CAPN9: variants seen among roughly 807,000 people sequenced by gnomAD.
The protein encoded by CAPN9 is calpain-9.
In CAPN9, 81 loss-of-function variants were observed where a neutral mutation model predicts 92.8. The observed-to-expected ratio is 0.87, with a 90% confidence interval of 0.73 to 1.05. The LOEUF (loss-of-function observed/expected upper bound fraction) is 1.05. Among genes scored for constraint, CAPN9 ranks in the 50% least tolerant of loss-of-function variants. The pLI, the probability that CAPN9 is intolerant of heterozygous loss-of-function variation, is 0.00. For missense variants in CAPN9, 848 were observed against 866.2 expected, an observed-to-expected ratio of 0.98 and a Z score of 0.26; for synonymous variants, 304 against 328.0, an observed-to-expected ratio of 0.93 and a Z score of 0.79.
chr1:230,787,363 G>A (rs1347973762), intron 12 of CAPN9, among the ~76,000 whole-genome samples, 159 bp from the exon 13 acceptor site: 3 of 152,130 alleles, frequency 2.0e-5, no homozygotes, highest in Non-Finnish European at 4.4e-5. Context: ...GAGCCTTCAT[G>A]AGAAAATGTT....
At chr1:230,753,323 A>T (rs192465215) in intron 1 of CAPN9, among the ~76,000 whole-genome samples, 2 of 152,226 alleles carry the variant, frequency 1.3e-5, no homozygotes, top group East Asian at 3.9e-4. Context: ...GTTCTTCAGA[A>T]ATTCTCCTGG....
Position 230,774,539 on chromosome 1 carries a change from T to C in CAPN9, c.876-15T>C. The C allele has an allele frequency of 6.3e-7, 1 of 1,598,220 alleles. No individual in the cohort carries two copies. Among genetic ancestry groups the C allele is most frequent in the African/African-American group, 1.3e-5 (1 of 74,630 alleles). Reference sequence around the variant, plus strand: ...TCATGACCTCTGCCTGAACACCAATTTTGTTTACTCCTAGTTCTCCGGAGT... The same window carrying C: ...TCATGACCTCTGCCTGAACACCAATCTTGTTTACTCCTAGTTCTCCGGAGT... On this transcript the variant is annotated splice_polypyrimidine_tract_variant and intron_variant, in intron 7 of 19. Transcript: ENST00000271971.
At chr1:230,753,020 T>A (rs144792927) in intron 1 of CAPN9, among the ~76,000 whole-genome samples, 2 of 152,134 alleles carry the variant, frequency 1.3e-5, no homozygotes, top group East Asian at 3.9e-4. Flanking sequence ...ACCTGCAAAC[T>A]CCTGCGCTAG....
chr1:230,798,489 A>G (rs890054903), intron 19 of CAPN9, among the ~76,000 whole-genome samples: 2 of 152,206 alleles, frequency 1.3e-5, no homozygotes, highest in Non-Finnish European at 2.9e-5. Context: ...CCTTGACTTG[A>G]GTGAGTGAGC....
rs994086135 is a variant in CAPN9 at position 230,751,211 on chromosome 1, C to T, written c.213+3502C>T. On this transcript the variant is annotated intron_variant, in intron 1 of 19. Coordinates refer to ENST00000271971, the MANE Select transcript of CAPN9 (RefSeq NM_006615.3). Reference sequence around the variant, plus strand: ...TCTCCTGCACGGTGAGCTTGCCGTTCCCTGTGCTGCTCCCCTGACCCCCAG... The same window carrying T: ...TCTCCTGCACGGTGAGCTTGCCGTTTCCTGTGCTGCTCCCCTGACCCCCAG... Among the ~76,000 whole-genome samples, 10 of 152,316 alleles carry T rather than the reference C, an allele frequency of 6.6e-5. No individual in the cohort carries two copies. The South Asian group carries it at 2.1e-3, about 32-fold the overall frequency.
chr1:230,769,125 G>T, intron 5 of CAPN9, 55 bp from the exon 6 acceptor site: 1 of 1,415,932 alleles, frequency 7.1e-7, no homozygotes, highest in South Asian at 1.2e-5. Flanking sequence ...GTCTGATCCA[G>T]CAGGGGAGGC....
intron 8 of CAPN9, among the ~76,000 whole-genome samples, chr1:230,777,293 G>A (rs1318913259): frequency 6.6e-6 from 1 of 151,864 alleles, no homozygotes; most frequent in Non-Finnish European, 1.5e-5. Context: ...CCATTGCCCT[G>A]CCCCTCTTGA....
chr1:230,775,065 A>G (rs1004402186), intron 8 of CAPN9, among the ~76,000 whole-genome samples: 1 of 151,796 alleles, frequency 6.6e-6, no homozygotes, highest in African/African-American at 2.4e-5. Context: ...TTGGCAAATC[A>G]AATTCATCTG....
chr1:230,763,102 A>T (rs1665749197), intron 4 of CAPN9, among the ~76,000 whole-genome samples: 1 of 152,158 alleles, frequency 6.6e-6, no homozygotes, highest in African/African-American at 2.4e-5. Context: ...AGTGCTTCAC[A>T]CTTCCCTCGG....
Position 230,800,294 on chromosome 1 carries a change from G to GAA in CAPN9, c.2047-1274_2047-1273dup, listed in dbSNP as rs765119183. On this transcript the variant is annotated intron_variant, in intron 19 of 19. Coordinates refer to ENST00000271971, the MANE Select transcript of CAPN9 (RefSeq NM_006615.3). Reference sequence around the variant, plus strand: ...AGAAAGAAAGAAAGAAAGAAAGAAAGAAAGAAAGAAAGGAAAAACAAGAGA... The same window carrying GAA: ...AGAAAGAAAGAAAGAAAGAAAGAAAGAAAAAGAAAGAAAGGAAAAACAAGAGA... Among the ~76,000 whole-genome samples, 8 of 109,844 alleles carry GAA rather than the reference G, an allele frequency of 7.3e-5. 1 individual carries two copies. Among genetic ancestry groups the GAA allele is most frequent in the African/African-American group, 2.4e-4 (7 of 29,576 alleles). The allele number at this position is 109,844 out of a possible 152,430, so 72.1% of individuals were successfully genotyped here.
At chr1:230,764,697 A>G (rs76052888) in intron 4 of CAPN9, among the ~76,000 whole-genome samples, 2,245 of 152,338 alleles carry the variant, frequency 0.015, 56 homozygotes, top group East Asian at 0.083. Flanking sequence ...TGAAAAATTG[A>G]TCTAATTATA....
At chr1:230,768,540 A>G in intron 5 of CAPN9, among the ~76,000 whole-genome samples, 1 of 109,738 alleles carries the variant, frequency 9.1e-6, no homozygotes, top group Non-Finnish European at 1.8e-5. Context: ...GTTTTCTGAA[A>G]TTTGTTTTTT....
chr1:230,799,809 G>T (rs2102946319), intron 19 of CAPN9, among the ~76,000 whole-genome samples: 1 of 152,260 alleles, frequency 6.6e-6, no homozygotes, highest in African/African-American at 2.4e-5. Flanking sequence ...TAGGCGGGAG[G>T]ATTGCTTGAG....
intron 2 of CAPN9, among the ~76,000 whole-genome samples, chr1:230,757,958 T>A (rs1035570711): frequency 6.6e-6 from 1 of 152,062 alleles, no homozygotes; most frequent in African/African-American, 2.4e-5. Context: ...GCTCCTCCCA[T>A]AGTGCCCTCT....
In CAPN9 at chr1:230,755,403, C is replaced by T. The variant is rs1018621846; in HGVS notation, c.280C>T (p.Leu94=). 8 of 1,605,448 alleles carry T rather than the reference C, an allele frequency of 5.0e-6. No homozygotes were observed. The highest frequency in any genetic ancestry group is 6.8e-6 in the Non-Finnish European group (8 of 1,176,270). ...ATRTDICQGE[L]GDCWLLAAIA... ...CAGGACTGATATCTGCCAGGGAGAG[C>T]TGGGTGAGTGTAAGTGGATGGAGCA... The change falls in exon 2 of 20, where the codon CTG becomes TTG. Residue 94 remains leucine, a synonymous_variant. Transcript: ENST00000271971.
chr1:230,747,700 A>G lies in CAPN9; in HGVS notation c.204A>G (p.Lys68=). The G allele has an allele frequency of 6.2e-7, 1 of 1,614,138 alleles. No individual in the cohort carries two copies. Among genetic ancestry groups the G allele is most frequent in the Non-Finnish European group, 8.5e-7 (1 of 1,179,988 alleles). ...GGCCGCAGATCCCCTTTGTGTGGAAACGACCAGGGGTGAGTGGGGCGAGCA... is the reference window on the plus strand; with the variant it reads ...GGCCGCAGATCCCCTTTGTGTGGAAGCGACCAGGGGTGAGTGGGGCGAGCA... ...SERPQIPFVW[K]RPGEIVKNPE... Residue 68 remains lysine (K), a synonymous_variant, in exon 1 of 20, where the codon AAA becomes AAG. Transcript: ENST00000271971.
At chr1:230,751,901 G>T (rs1026720422) in intron 1 of CAPN9, among the ~76,000 whole-genome samples, 1 of 151,532 alleles carries the variant, frequency 6.6e-6, no homozygotes, top group Non-Finnish European at 1.5e-5. Flanking sequence ...GCCTCCCTCG[G>T]GGCTTCAGGC....
chr1:230,787,915 G>A (rs528199137), intron 13 of CAPN9, among the ~76,000 whole-genome samples: 1 of 152,260 alleles, frequency 6.6e-6, no homozygotes, highest in South Asian at 2.1e-4. Flanking sequence ...GAGTGCAGTG[G>A]TATAAGCCTA....
At chr1:230,800,305 A>G (rs938278654) in intron 19 of CAPN9, among the ~76,000 whole-genome samples, 5 of 51,730 alleles carry the variant, frequency 9.7e-5, no homozygotes, top group Non-Finnish European at 1.7e-4. Context: ...AAAGAAAGAA[A>G]GGAAAAACAA....
Sources: allele counts gnomAD v4.1 joint callset (sites outside exome capture counted in the v4.1 genomes callset), GRCh38; gene constraint gnomAD v4.1.1; transcripts MANE v1.5; gene names NCBI Gene and HGNC (gene_info 2026-07-23, HGNC 2026-07-21).